Variants in PTPN3 observed in about 807,000 individuals in gnomAD.
PTPN3 encodes tyrosine-protein phosphatase non-receptor type 3.
PTPN3 carries 96 observed loss-of-function variants against 132.7 expected under a neutral mutation model. That is an observed-to-expected ratio of 0.72 (90% CI 0.61 to 0.86). PTPN3 has a LOEUF of 0.86. Among genes scored for constraint, PTPN3 ranks in the 40% least tolerant of loss-of-function variants. The pLI, the probability that PTPN3 is intolerant of heterozygous loss-of-function variation, is 0.00. For synonymous variants in PTPN3, 398 were observed against 429.0 expected, an observed-to-expected ratio of 0.93 and a Z score of 0.89; for missense variants, 1,125 against 1,159.6, an observed-to-expected ratio of 0.97 and a Z score of 0.43.
the PTPN3 span, among the ~76,000 whole-genome samples, chr9:109,525,872 G>A: frequency 6.6e-6 from 1 of 152,116 alleles, no homozygotes; most frequent in African/African-American, 2.4e-5. Context: ...GGTGAATTTT[G>A]TTATTTGTTC....
At chr9:109,464,323 T>C (rs1160764739) in intron 1 of PTPN3, among the ~76,000 whole-genome samples, 5 of 152,274 alleles carry the variant, frequency 3.3e-5, no homozygotes, top group Non-Finnish European at 1.5e-5. Context: ...CTAAAAGACA[T>C]GTACCAGCAT....
At chr9:109,397,059 A>G (rs1340975642) in intron 19 of PTPN3, among the ~76,000 whole-genome samples, 1 of 152,214 alleles carries the variant, frequency 6.6e-6, no homozygotes, top group Non-Finnish European at 1.5e-5. Context: ...GGGGAAGAAA[A>G]AGGGAAAAGG....
Position 109,427,023 on chromosome 9 carries a change from C to A in PTPN3, c.928G>T (p.Ala310Ser). 6.2e-7 allele frequency: 1 copy of A among 1,613,764 alleles called. No homozygotes were observed. Among genetic ancestry groups the A allele is most frequent in the Non-Finnish European group, 8.5e-7 (1 of 1,179,680 alleles). The change falls in exon 12 of 26, where the codon GCA becomes TCA. Residue 310 changes from alanine to serine, a missense_variant. Physicochemically the swap from Ala to Ser is moderately conservative, Grantham distance 99. Coordinates refer to ENST00000374541, the MANE Select transcript of PTPN3 (RefSeq NM_002829.4). ...TTTTCCTGAGGTAGTAGCTTCTTTG[C>A]CTGAAAGAACGTATGGTGCTCAACA... ...SCVEHHTFFQAKKLLPQEKNV... is the reference protein window; with the variant it reads ...SCVEHHTFFQSKKLLPQEKNV...
At chr9:109,533,406 A>G in the PTPN3 span, 3 of 1,031,492 alleles carry the variant, frequency 2.9e-6, no homozygotes, top group East Asian at 5.3e-5. Flanking sequence ...TCGGCCTCTC[A>G]AAGTGCTGGG....
Position 109,383,531 on chromosome 9 carries a change from C to G in PTPN3, c.2274G>C (p.Trp758Cys). 6.2e-7 allele frequency: 1 copy of G among 1,614,012 alleles called. No homozygotes were observed. ...GGTTCATGACGTCGGGGGGATCTGG[C>G]CAGTACTGGTGACATTTGGTCTGTA... Reference protein sequence around the residue: ...ERGRTKCHQYWPDPPDVMNHG... With the variant: ...ERGRTKCHQYCPDPPDVMNHG... The change falls in exon 23 of 26, where the codon TGG becomes TGC. Residue 758 changes from tryptophan (W) to cysteine (C), a missense_variant. Physicochemically the swap from Trp to Cys is radical, Grantham distance 215. Transcript: ENST00000374541.
chr9:109,420,677 T>G, intron 13 of PTPN3, 77 bp from the exon 14 acceptor site: 2 of 1,439,858 alleles, frequency 1.4e-6, no homozygotes, highest in Non-Finnish European at 1.9e-6. Flanking sequence ...CCAGTGAACC[T>G]CGTGTCCTGA....
intron 6 of PTPN3, 72 bp downstream of exon 6, chr9:109,448,739 A>G (rs894675117): frequency 1.4e-6 from 2 of 1,388,100 alleles, no homozygotes; most frequent in African/African-American, 2.9e-5. Context: ...TACCAGAAAT[A>G]AACACTCATT....
chr9:109,505,756 T>C, the PTPN3 span, among the ~76,000 whole-genome samples: 1 of 151,284 alleles, frequency 6.6e-6, no homozygotes, highest in African/African-American at 2.4e-5. Flanking sequence ...TCAACTTCTT[T>C]TTTTTTTTTT....
At chr9:109,456,437 T>G (rs1845566899) in intron 4 of PTPN3, among the ~76,000 whole-genome samples, 2 of 151,972 alleles carry the variant, frequency 1.3e-5, no homozygotes, top group Non-Finnish European at 2.9e-5. Context: ...GGAGAGGAAA[T>G]GAGATCTGAG....
chr9:109,508,473 T>C, the PTPN3 span, among the ~76,000 whole-genome samples: 1 of 152,160 alleles, frequency 6.6e-6, no homozygotes, highest in African/African-American at 2.4e-5. Flanking sequence ...TCTGTTTTCT[T>C]TTATGCTTCT....
At chr9:109,423,763 G>T (rs1843046659) in intron 12 of PTPN3, among the ~76,000 whole-genome samples, 1 of 152,200 alleles carries the variant, frequency 6.6e-6, no homozygotes, top group Non-Finnish European at 1.5e-5. Flanking sequence ...CATGAAGCCT[G>T]TCACCCTGTT....
the PTPN3 span, among the ~76,000 whole-genome samples, chr9:109,512,503 T>G: frequency 6.6e-6 from 1 of 152,202 alleles, no homozygotes; most frequent in East Asian, 1.9e-4. Context: ...CAAGAAATGT[T>G]TGTTAGGGAC....
At chr9:109,391,307 T>C (rs1243522876) in intron 20 of PTPN3, 108 bp from the exon 21 acceptor site, 1 of 1,278,702 alleles carries the variant, frequency 7.8e-7, no homozygotes, top group Non-Finnish European at 1.1e-6. Context: ...CTCATTAGCA[T>C]AAACACTATT....
chr9:109,495,395 C>T (rs1249922894), intron 1 of PTPN3, among the ~76,000 whole-genome samples: 1 of 152,226 alleles, frequency 6.6e-6, no homozygotes, highest in African/African-American at 2.4e-5. Context: ...AGGCAGGGTG[C>T]CATGTCTTCT....
intron 14 of PTPN3, among the ~76,000 whole-genome samples, chr9:109,414,634 T>C (rs1415270157): frequency 6.6e-6 from 1 of 152,232 alleles, no homozygotes; most frequent in Non-Finnish European, 1.5e-5. Context: ...AGAGGGGATA[T>C]GGTTCAGGTA....
chr9:109,525,116 A>G, the PTPN3 span, among the ~76,000 whole-genome samples: 3 of 151,994 alleles, frequency 2.0e-5, no homozygotes. Context: ...CATGATCATG[A>G]TCATGGCTCA....
chr9:109,423,399 G>A (rs565769066), intron 12 of PTPN3, among the ~76,000 whole-genome samples: 1 of 152,304 alleles, frequency 6.6e-6, no homozygotes, highest in Non-Finnish European at 1.5e-5. Flanking sequence ...GAGGTCAGGA[G>A]TTCAAGACCA....
chr9:109,379,504 C>T lies in PTPN3; in HGVS notation c.*52G>A. The T allele has an allele frequency of 6.5e-7, 1 of 1,529,690 alleles. No individual in the cohort carries two copies. The highest frequency in any genetic ancestry group is 9.1e-7 in the Non-Finnish European group (1 of 1,103,738). The allele number at this position is 1,529,690 out of a possible 1,614,324, so 94.8% of individuals were successfully genotyped here. On this transcript the variant is annotated 3_prime_UTR_variant, in exon 26 of 26. Transcript: ENST00000374541. ...TGCTTCCAGAGAGGTCTGTCCTCCT[C>T]TTTCAAGGAGGATGCCCTTGGGAAA...
rs758163796 is a variant in PTPN3, at chr9:109,427,033, C to T, written c.918G>A (p.Thr306=). The T allele has an allele frequency of 1.8e-5, 29 of 1,613,684 alleles. No homozygotes were observed. Among genetic ancestry groups the T allele is most frequent in the South Asian group, 6.6e-5 (6 of 91,074 alleles). The part of the protein sequence containing the change: ...NLWKSCVEHH[T]FFQAKKLLPQ... ...GTAGTAGCTTCTTTGCCTGAAAGAACGTATGGTGCTCAACACAGGATTTCC... is the reference window on the plus strand; with the variant it reads ...GTAGTAGCTTCTTTGCCTGAAAGAATGTATGGTGCTCAACACAGGATTTCC... The change falls in exon 12 of 26, where the codon ACG becomes ACA. Residue 306 remains threonine, a synonymous_variant. Transcript: ENST00000374541.
Sources: gnomAD v4.1 joint callset for allele counts (sites outside exome capture counted in the v4.1 genomes callset) on GRCh38, gnomAD v4.1.1 for gene constraint, MANE v1.5 for transcripts, NCBI Gene and HGNC (gene_info 2026-07-23, HGNC 2026-07-21) for gene names.